Variants in ANKDD1A observed in about 807,000 individuals in gnomAD.
ANKDD1A encodes ankyrin repeat and death domain containing 1A.
A neutral mutation model predicts 63.5 loss-of-function variants in ANKDD1A; 59 were observed. That is an observed-to-expected ratio of 0.93 (90% CI 0.75 to 1.15). The LOEUF is 1.15. ANKDD1A is among the 50% of genes most tolerant of loss of function. The pLI is 0.00. For missense variants in ANKDD1A, 632 were observed against 656.4 expected (o/e 0.96, Z 0.41); for synonymous variants, 266 against 263.9 (o/e 1.01, Z -0.08).
intron 2 of ANKDD1A, among the ~76,000 whole-genome samples, chr15:64,916,416 C>T (rs1350770902): frequency 4.0e-5 from 6 of 151,372 alleles, no homozygotes; most frequent in East Asian, 1.9e-4. Context: ...CCTTGACCTT[C>T]CTGGGCTCAG....
chr15:64,911,941 A>G lies in ANKDD1A; in HGVS notation c.11A>G (p.Glu4Gly). 1 of 1,079,418 alleles carries G rather than the reference A, an allele frequency of 9.3e-7. No homozygotes were observed. The highest frequency in any genetic ancestry group is 1.1e-6 in the Non-Finnish European group (1 of 888,626). 66.9% of individuals were successfully genotyped at this position (1,079,418 alleles called of 1,614,324 possible). A position where few individuals can be genotyped will look rare whatever the true frequency, so the allele number is the denominator to read the frequency against. Residue 4 changes from glutamate to glycine, a missense_variant, in exon 1 of 15, where the codon GAG becomes GGG. Coordinates refer to ENST00000319580, the MANE Select transcript of ANKDD1A (RefSeq NM_182703.6). ...CTGCGGAGCGGCAGGATGCAGGAGG[A>G]GCTGGCGTGGGAGACCGACGGCCGT... MQE[E>G]LAWETDGLLP...
chr15:64,950,564 CGTG>C, intron 14 of ANKDD1A: 1 of 985,402 alleles, frequency 1.0e-6, no homozygotes. Flanking sequence ...TACCCACTGA[CGTG>C]GTACATAATG....
rs1307438322 is a variant in ANKDD1A, at chr15:64,942,492, C to T, written c.893C>T (p.Ala298Val). The change falls in exon 10 of 15, where the codon GCT becomes GTT. Residue 298 changes from alanine (A) to valine (V), a missense_variant. Ala to Val is a moderately conservative substitution (Grantham distance 64, BLOSUM62 0). Transcript: ENST00000319580. ...DHQGASPLHL[A>V]VRHNFPALVR... ...CAGGGTGCCTCTCCTCTGCACCTCG[C>T]TGTGAGGCACAACTTCCCTGCCTTG... is the stretch of plus-strand genomic sequence containing the variant. 3.1e-6 allele frequency: 5 copies of T among 1,613,514 alleles called. No homozygotes were observed. The highest frequency in any genetic ancestry group is 2.7e-5 in the African/African-American group (2 of 74,884).
Position 64,942,539 on chromosome 15 carries a change from G to T in ANKDD1A, c.940G>T (p.Asp314Tyr). The change falls in exon 10 of 15, where the codon GAC becomes TAC. Residue 314 changes from aspartate (D) to tyrosine (Y), a missense_variant. Transcript: ENST00000319580. ...CTTGGTCCGGCTCCTCATCAACTCC[G>T]ACAGTGACGTGAATGCCGTGGACAA... ...PALVRLLINSDSDVNAVDNRQ... is the reference protein window; with the variant it reads ...PALVRLLINSYSDVNAVDNRQ... 1 of 1,613,776 alleles carries T rather than the reference G, an allele frequency of 6.2e-7. No individual in the cohort carries two copies. Among genetic ancestry groups the T allele is most frequent in the African/African-American group, 1.3e-5 (1 of 75,008 alleles).
chr15:64,927,049 C>T, intron 6 of ANKDD1A, 50 bp downstream of exon 6: 2 of 1,595,820 alleles, frequency 1.3e-6, no homozygotes, highest in South Asian at 1.1e-5. Context: ...CAAAACTTGC[C>T]ACCTTCCAGG....
chr15:64,935,965 G>T (rs529896120), intron 9 of ANKDD1A, among the ~76,000 whole-genome samples: 11 of 152,260 alleles, frequency 7.2e-5, no homozygotes, highest in African/African-American at 2.6e-4. Context: ...TTGGTGTTAG[G>T]CCTGGCTTTG....
intron 14 of ANKDD1A, among the ~76,000 whole-genome samples, chr15:64,956,641 C>T (rs557994572): frequency 1.3e-5 from 2 of 152,162 alleles, no homozygotes. Context: ...CTGCAACCTC[C>T]GTCTCTTGGG....
Position 64,950,315 on chromosome 15 carries a change from T to C in ANKDD1A, c.1483+343T>C, listed in dbSNP as rs1310724571. Reference sequence around the variant, plus strand: ...TAAGCCTGGAACCACCTCCAGACTTTTTTCACAAACATTAAGACATAGGAG... The same window carrying C: ...TAAGCCTGGAACCACCTCCAGACTTCTTTCACAAACATTAAGACATAGGAG... On this transcript the variant is annotated intron_variant, in intron 14 of 14. Transcript: ENST00000319580. The C allele has an allele frequency of 7.1e-6, 7 of 985,244 alleles. No homozygotes were observed. The East Asian group carries it at 5.7e-4, about 80-fold the overall frequency. The allele number at this position is 985,244 out of a possible 1,614,324, so 61.0% of individuals were successfully genotyped here. A position where few individuals can be genotyped will look rare whatever the true frequency, so the allele number is the denominator to read the frequency against.
intron 8 of ANKDD1A, 89 bp from the exon 9 acceptor site, chr15:64,934,047 C>A (rs1194304652): frequency 3.6e-6 from 4 of 1,119,868 alleles, no homozygotes; most frequent in African/African-American, 3.1e-5. Flanking sequence ...TGTTGTGACA[C>A]TCAAATGGAA....
chr15:64,950,728 C>CGGGGGG, intron 14 of ANKDD1A: 9 of 449,512 alleles, frequency 2.0e-5, no homozygotes, highest in South Asian at 1.3e-4. Context: ...AAGAAAGGAC[C>CGGGGGG]GCCCCCCCCC....
At chr15:64,922,647 C>A (rs1035408882) in intron 4 of ANKDD1A, among the ~76,000 whole-genome samples, 4 of 151,960 alleles carry the variant, frequency 2.6e-5, no homozygotes. Flanking sequence ...GCATTTTTTT[C>A]TTTCTTTCTT....
intron 14 of ANKDD1A, among the ~76,000 whole-genome samples, chr15:64,955,619 T>C (rs542395226): frequency 1.8e-4 from 28 of 152,310 alleles, no homozygotes; most frequent in African/African-American, 6.0e-4. Flanking sequence ...GCCCAGAGGC[T>C]GTTTCTGTCT....
At chr15:64,920,951 A>G (rs952239138) in intron 3 of ANKDD1A, among the ~76,000 whole-genome samples, 1 of 152,048 alleles carries the variant, frequency 6.6e-6, no homozygotes, top group Non-Finnish European at 1.5e-5. Flanking sequence ...TTTTTCATGA[A>G]GCTACATTTG....
At chr15:64,954,305 C>CCTTCTT (rs939819934) in intron 14 of ANKDD1A, among the ~76,000 whole-genome samples, 2 of 140,718 alleles carry the variant, frequency 1.4e-5, no homozygotes, top group African/African-American at 5.2e-5. Flanking sequence ...CTTTTCTTCT[C>CCTTCTT]CTTCTCTTCC....
intron 12 of ANKDD1A, among the ~76,000 whole-genome samples, chr15:64,946,347 G>C (rs1380426095): frequency 6.7e-5 from 10 of 149,712 alleles, no homozygotes. Flanking sequence ...AAAAATCACT[G>C]TTTCAGAATC....
intron 14 of ANKDD1A, among the ~76,000 whole-genome samples, chr15:64,952,435 C>T (rs1320915880): frequency 6.9e-6 from 1 of 145,742 alleles, no homozygotes; most frequent in African/African-American, 2.6e-5. Context: ...TTCTTCTCCT[C>T]CTCCTTTCTT....
In ANKDD1A at chr15:64,932,462, C is replaced by G. The variant is rs1267931326; in HGVS notation, c.768+877C>G. ...CCTGGATGAACCTCTTCTCTCTCTC[C>G]CCGTTGTACTCATCAGTTCTGCCAG... On this transcript the variant is annotated intron_variant, in intron 8 of 14. Transcript: ENST00000319580. 3.9e-5 allele frequency: 6 copies of G among 152,238 alleles called. No individual in the cohort carries two copies. The East Asian group carries it at 1.2e-3, about 29-fold the overall frequency. The allele number at this position is 152,238 out of a possible 1,614,324, so 9.4% of individuals were successfully genotyped here.
chr15:64,921,303 T>C (rs563147952), intron 3 of ANKDD1A, among the ~76,000 whole-genome samples: 139 of 152,330 alleles, frequency 9.1e-4, no homozygotes, highest in Non-Finnish European at 1.5e-3. Flanking sequence ...CTAAGATTGG[T>C]TCCTTACAAA....
intron 6 of ANKDD1A, 137 bp from the exon 7 acceptor site, chr15:64,930,685 C>G: frequency 1.4e-6 from 1 of 722,952 alleles, no homozygotes; most frequent in South Asian, 1.9e-5. Context: ...CTTGAATCTG[C>G]CCCTGGTTAT....
Sources: gnomAD v4.1 joint callset for allele counts (sites outside exome capture counted in the v4.1 genomes callset) on GRCh38, gnomAD v4.1.1 for gene constraint, MANE v1.5 for transcripts, NCBI Gene and HGNC (gene_info 2026-07-23, HGNC 2026-07-21) for gene names.